The following PHACTR3 variants were observed in gnomAD, a reference collection of about 807,000 sequenced individuals.
PHACTR3 encodes phosphatase and actin regulator 3.
In PHACTR3, 16 loss-of-function variants were observed where a neutral mutation model predicts 66.8. The ratio of observed to expected loss-of-function variants is 0.24; its 90% confidence interval spans 0.16 to 0.36. The LOEUF is 0.36. PHACTR3 is among the 10% of genes least tolerant of loss of function. The pLI is 1.00. For synonymous variants in PHACTR3, 323 were observed against 292.1 expected (o/e 1.11, Z -1.08); for missense variants, 647 against 719.9 (o/e 0.90, Z 1.16).
intron 1 of PHACTR3, among the ~76,000 whole-genome samples, chr20:59,684,363 C>T (rs1368701625): frequency 6.6e-6 from 1 of 152,186 alleles, no homozygotes; most frequent in African/African-American, 2.4e-5. Context: ...CTGGTGTGTG[C>T]TCACGGTGTG....
chr20:59,674,815 G>GTTCCCCCTTCTCCTGT (rs1228768331), intron 1 of PHACTR3, among the ~76,000 whole-genome samples: 1 of 44,582 alleles, frequency 2.2e-5, no homozygotes, highest in African/African-American at 1.6e-4. Flanking sequence ...ACCTTCTCCT[G>GTTCCCCCTTCTCCTGT]TCCCCCACTT....
At chr20:59,681,413 T>G (rs928046816) in intron 1 of PHACTR3, among the ~76,000 whole-genome samples, 1 of 152,246 alleles carries the variant, frequency 6.6e-6, no homozygotes, top group African/African-American at 2.4e-5. Context: ...GTAAAACATT[T>G]TGATGACTGT....
At chr20:59,806,552 T>C (rs1288063190) in intron 8 of PHACTR3, among the ~76,000 whole-genome samples, 1 of 152,208 alleles carries the variant, frequency 6.6e-6, no homozygotes, top group African/African-American at 2.4e-5. Context: ...GGCTTGTCAG[T>C]GTTAGAGACA....
At chr20:59,709,701 G>A (rs893348479) in intron 1 of PHACTR3, among the ~76,000 whole-genome samples, 44 of 152,146 alleles carry the variant, frequency 2.9e-4, no homozygotes, top group African/African-American at 1.1e-3. Context: ...GTTTTAGGAA[G>A]AAATTAGATT....
At chr20:59,784,052 A>C (rs527996230) in intron 7 of PHACTR3, among the ~76,000 whole-genome samples, 3 of 152,260 alleles carry the variant, frequency 2.0e-5, no homozygotes, top group Admixed American at 2.0e-4. Flanking sequence ...GTTGCTGTGA[A>C]GGTATTTTGT....
At chr20:59,828,281 CTA>C (rs2042251074) in intron 8 of PHACTR3, among the ~76,000 whole-genome samples, 1 of 152,184 alleles carries the variant, frequency 6.6e-6, no homozygotes, top group Admixed American at 6.5e-5. Context: ...CATTCCTCCA[CTA>C]GTGTCTCTCA....
At chr20:59,742,466 G>GCTCACAGACA in intron 1 of PHACTR3, among the ~76,000 whole-genome samples, 1 of 80,404 alleles carries the variant, frequency 1.2e-5, no homozygotes, top group East Asian at 9.0e-4. Context: ...GCTCACAGAC[G>GCTCACAGACA]TGCTCACAGA....
intron 2 of PHACTR3, among the ~76,000 whole-genome samples, chr20:59,743,959 A>AAGCG (rs369587754): frequency 1.3e-3 from 204 of 152,262 alleles, no homozygotes; most frequent in African/African-American, 4.7e-3. Context: ...GCTCTGTGGG[A>AAGCG]AGCGGGATTG....
At chr20:59,804,219 A>G (rs544398315) in intron 7 of PHACTR3, among the ~76,000 whole-genome samples, 2 of 152,346 alleles carry the variant, frequency 1.3e-5, no homozygotes, top group South Asian at 4.1e-4. Context: ...GGCCGGATTA[A>G]TAAGTAAATG....
intron 12 of PHACTR3, among the ~76,000 whole-genome samples, chr20:59,846,027 TGTG>T (rs2059140576): frequency 6.6e-6 from 1 of 152,192 alleles, no homozygotes; most frequent in African/African-American, 2.4e-5. Flanking sequence ...GTAGTAATTA[TGTG>T]AAGTTCTCAA....
In PHACTR3 at chr20:59,806,026, G is replaced by C. The variant is rs2041556428; in HGVS notation, c.1175-15G>C. 1 of 1,611,492 alleles carries C rather than the reference G, an allele frequency of 6.2e-7. No homozygotes were observed. Among genetic ancestry groups the C allele is most frequent in the Non-Finnish European group, 8.5e-7 (1 of 1,178,792 alleles). Reference sequence around the variant, plus strand: ...TTGTTCCCTTCTCTCCTCTTGCCCTGGATGGGGCTTTTAGGAACACTGCCA... The same window carrying C: ...TTGTTCCCTTCTCTCCTCTTGCCCTCGATGGGGCTTTTAGGAACACTGCCA... On this transcript the variant is annotated splice_polypyrimidine_tract_variant and intron_variant, in intron 7 of 12. Transcript: ENST00000371015.
Position 59,604,722 on chromosome 20 carries a change from C to G in PHACTR3, c.-293C>G. The G allele has an allele frequency of 9.5e-7, 1 of 1,056,048 alleles. No individual in the cohort carries two copies. Among genetic ancestry groups the G allele is most frequent in the Non-Finnish European group, 1.1e-6 (1 of 878,842 alleles). The allele number at this position is 1,056,048 out of a possible 1,614,324, so 65.4% of individuals were successfully genotyped here. ...CCTGGTTCAACTTTTTTTTTTTTCC[C>G]TGGAATATAGACTGAAGAATGGGAA... On this transcript the variant is annotated 5_prime_UTR_variant, in exon 1 of 13. Coordinates refer to ENST00000371015, the MANE Select transcript of PHACTR3 (RefSeq NM_080672.5).
At chr20:59,822,150 G>C (rs1334021981) in intron 8 of PHACTR3, among the ~76,000 whole-genome samples, 4 of 15,508 alleles carry the variant, frequency 2.6e-4, no homozygotes, top group East Asian at 2.6e-3. Flanking sequence ...CACCCCCTCC[G>C]CAGCGATCCC....
chr20:59,768,084 C>G (rs2040242615), intron 5 of PHACTR3, among the ~76,000 whole-genome samples: 1 of 152,224 alleles, frequency 6.6e-6, no homozygotes, highest in Non-Finnish European at 1.5e-5. Context: ...TAGGGGTGCA[C>G]AGCTGGACAG....
At chr20:59,652,752 A>G (rs1568961287) in intron 1 of PHACTR3, among the ~76,000 whole-genome samples, 2 of 152,138 alleles carry the variant, frequency 1.3e-5, no homozygotes, top group South Asian at 2.1e-4. Flanking sequence ...ATACCCTTGT[A>G]GACACGTCCA....
chr20:59,630,795 G>A (rs759807631), intron 1 of PHACTR3, among the ~76,000 whole-genome samples: 4 of 152,024 alleles, frequency 2.6e-5, no homozygotes, highest in Non-Finnish European at 5.9e-5. Flanking sequence ...TTGTACTGTC[G>A]AAGTGGGGAG....
intron 1 of PHACTR3, among the ~76,000 whole-genome samples, chr20:59,742,750 G>A (rs1280801250): frequency 6.6e-6 from 1 of 152,206 alleles, no homozygotes; most frequent in Non-Finnish European, 1.5e-5. Context: ...GCAGAGAAGC[G>A]GCTGGGAGGG....
intron 1 of PHACTR3, among the ~76,000 whole-genome samples, chr20:59,730,977 G>A (rs1168072506): frequency 6.6e-6 from 1 of 152,086 alleles, no homozygotes; most frequent in East Asian, 1.9e-4. Context: ...ACACAAATCT[G>A]TTGGCTTAAA....
At chr20:59,821,029 A>G (rs2042016916) in intron 8 of PHACTR3, among the ~76,000 whole-genome samples, 1 of 152,184 alleles carries the variant, frequency 6.6e-6, no homozygotes, top group African/African-American at 2.4e-5. Context: ...TGGTAATAAG[A>G]GCACAACCAT....
Sources: allele counts gnomAD v4.1 joint callset (sites outside exome capture counted in the v4.1 genomes callset), GRCh38; gene constraint gnomAD v4.1.1; transcripts MANE v1.5; gene names NCBI Gene and HGNC (gene_info 2026-07-23, HGNC 2026-07-21).